Variants in SAMD5 observed in about 807,000 individuals in gnomAD.
The protein encoded by SAMD5 is sterile alpha motif domain-containing protein 5.
In SAMD5, 13 loss-of-function variants were observed where a neutral mutation model predicts 11.3. The ratio of observed to expected loss-of-function variants is 1.15; its 90% CI spans 0.75 to 1.83. The LOEUF (loss-of-function observed/expected upper bound fraction) is 1.83, where lower values mean the gene tolerates loss of function less well. Among genes scored for constraint, SAMD5 ranks in the 40% most tolerant of loss-of-function variants. The pLI, the probability that SAMD5 is intolerant of heterozygous loss-of-function variation, is 0.00. For missense variants in SAMD5, 255 were observed against 239.1 expected (o/e 1.07, Z -0.44); for synonymous variants, 129 against 111.3 (o/e 1.16, Z -1.00).
the SAMD5 span, among the ~76,000 whole-genome samples, chr6:147,797,206 G>T: frequency 1.5e-5 from 2 of 137,492 alleles, no homozygotes; most frequent in East Asian, 4.8e-4. Flanking sequence ...CTGTTGGTTT[G>T]TCATAGATAG....
chr6:147,916,313 T>C, the SAMD5 span, among the ~76,000 whole-genome samples: 26 of 152,200 alleles, frequency 1.7e-4, no homozygotes, highest in East Asian at 4.3e-3. Flanking sequence ...TTCTAGATCC[T>C]TGAGGAATCG....
the SAMD5 span, among the ~76,000 whole-genome samples, chr6:147,826,890 A>G: frequency 7.2e-5 from 11 of 152,104 alleles, no homozygotes; most frequent in African/African-American, 2.7e-4. Flanking sequence ...GCAGGTCTCA[A>G]AACATGCAGC....
the SAMD5 span, among the ~76,000 whole-genome samples, chr6:147,758,616 T>G: frequency 6.6e-6 from 1 of 152,196 alleles, no homozygotes; most frequent in Admixed American, 6.5e-5. Context: ...CTAATCTTCT[T>G]TAACCAATTC....
At chr6:147,691,993 A>ACC (rs1554244727) in intron 1 of SAMD5, among the ~76,000 whole-genome samples, 10 of 151,594 alleles carry the variant, frequency 6.6e-5, no homozygotes, top group East Asian at 3.9e-4. Flanking sequence ...ACACACACAC[A>ACC]CCCCCCTGAT....
intron 1 of SAMD5, among the ~76,000 whole-genome samples, chr6:147,535,221 CG>C (rs1416461971): frequency 6.6e-6 from 1 of 152,156 alleles, no homozygotes; most frequent in Admixed American, 6.5e-5. Context: ...AGCGTGTAAC[CG>C]CTTTGTAATT....
chr6:147,754,263 C>G, the SAMD5 span, among the ~76,000 whole-genome samples: 1 of 151,256 alleles, frequency 6.6e-6, no homozygotes. Flanking sequence ...TGAGCTGATA[C>G]CTCATTGTAG....
intron 1 of SAMD5, among the ~76,000 whole-genome samples, chr6:147,625,822 A>G (rs1334878290): frequency 6.6e-6 from 1 of 152,152 alleles, no homozygotes; most frequent in East Asian, 1.9e-4. Context: ...GCTGGCCCCT[A>G]AGGCATTGTG....
the SAMD5 span, among the ~76,000 whole-genome samples, chr6:147,887,149 C>T: frequency 2.0e-5 from 3 of 152,140 alleles, no homozygotes; most frequent in Non-Finnish European, 4.4e-5. Context: ...CTTTTTATAA[C>T]ATTTAAGGTT....
chr6:147,530,898 G>T (rs994320901), intron 1 of SAMD5, among the ~76,000 whole-genome samples: 1 of 152,128 alleles, frequency 6.6e-6, no homozygotes, highest in African/African-American at 2.4e-5. Context: ...TAAAATTGTG[G>T]AACACAAATC....
chr6:147,665,767 T>G (rs1790708348), intron 1 of SAMD5, among the ~76,000 whole-genome samples: 1 of 152,214 alleles, frequency 6.6e-6, no homozygotes, highest in Admixed American at 6.5e-5. Flanking sequence ...TCTGCAAAAT[T>G]GAGTAAGATA....
the SAMD5 span, among the ~76,000 whole-genome samples, chr6:147,878,259 C>G: frequency 6.6e-6 from 1 of 151,820 alleles, no homozygotes; most frequent in South Asian, 2.1e-4. Context: ...TCATAGATAG[C>G]CATATTTTCA....
At chr6:147,795,671 C>T in the SAMD5 span, among the ~76,000 whole-genome samples, 606 of 150,086 alleles carry the variant, frequency 4.0e-3, 2 homozygotes, top group African/African-American at 0.014. Context: ...AACTAGTTTA[C>T]AGTCCCACCA....
At position 147,517,600 on chromosome 6, in the gene SAMD5, T is replaced by C. The variant is rs76179635; in HGVS notation, c.459+8213T>C. 7.8e-3 allele frequency among the ~76,000 whole-genome samples: 1,181 copies of C among 152,334 alleles called. 8 individuals carry two copies. The highest frequency in any genetic ancestry group is 0.012 in the Non-Finnish European group (822 of 68,032). ...AAATAACATTTCAAAATTTAGATAT[T>C]CAAAATTAGGTAGTAATCTTGAAAA... On this transcript the variant is annotated intron_variant, in intron 1 of 1. Coordinates refer to ENST00000367474, the MANE Select transcript of SAMD5 (RefSeq NM_001030060.3).
At chr6:147,875,729 A>C in the SAMD5 span, among the ~76,000 whole-genome samples, 1 of 151,982 alleles carries the variant, frequency 6.6e-6, no homozygotes. Context: ...TGTGAACCCT[A>C]TTGTGAACTG....
intron 1 of SAMD5, among the ~76,000 whole-genome samples, chr6:147,550,584 G>A (rs568492559): frequency 6.6e-6 from 1 of 152,254 alleles, no homozygotes; most frequent in African/African-American, 2.4e-5. Context: ...ATAAAAGAGT[G>A]AAATTATGTC....
At chr6:147,847,345 G>T in the SAMD5 span, among the ~76,000 whole-genome samples, 1 of 152,180 alleles carries the variant, frequency 6.6e-6, no homozygotes, top group Non-Finnish European at 1.5e-5. Flanking sequence ...CACGCACGTT[G>T]TTGCTCACAA....
the SAMD5 span, among the ~76,000 whole-genome samples, chr6:147,755,107 T>C: frequency 6.6e-6 from 1 of 152,074 alleles, no homozygotes; most frequent in African/African-American, 2.4e-5. Flanking sequence ...ATGTCACTGG[T>C]ATTTTGATAG....
chr6:147,703,430 T>C (rs1406205379), intron 1 of SAMD5, among the ~76,000 whole-genome samples: 2 of 152,224 alleles, frequency 1.3e-5, no homozygotes, highest in African/African-American at 2.4e-5. Context: ...TGCATTTCAT[T>C]TGGTCCCTAT....
the SAMD5 span, among the ~76,000 whole-genome samples, chr6:147,756,956 G>A: frequency 2.6e-5 from 4 of 152,168 alleles, no homozygotes; most frequent in African/African-American, 4.8e-5. Context: ...TGGATGTGTT[G>A]AAGATTTATC....
Sources: allele counts gnomAD v4.1 joint callset (sites outside exome capture counted in the v4.1 genomes callset), GRCh38; gene constraint gnomAD v4.1.1; transcripts MANE v1.5; gene names NCBI Gene and HGNC (gene_info 2026-07-23, HGNC 2026-07-21).